Variants in SLC39A9 observed in about 807,000 individuals in gnomAD.
SLC39A9 encodes the protein solute carrier family 39 member 9, also known as zinc transporter ZIP9.
In SLC39A9, 14 loss-of-function variants were observed where a neutral mutation model predicts 28.4. The observed-to-expected ratio is 0.49, with a 90% confidence interval of 0.33 to 0.77. The LOEUF is 0.77. Ranked by LOEUF, SLC39A9 falls within the 30% of genes least tolerant of loss-of-function variation. The probability of loss-of-function intolerance (pLI) is 0.02; values close to 1 mark genes in which losing one functional copy is unlikely to be tolerated. For synonymous variants in SLC39A9, 119 were observed against 149.6 expected (o/e 0.80, Z 1.49); for missense variants, 283 against 381.1 (o/e 0.74, Z 2.14).
chr14:69,422,045 G>C (rs1216990388), intron 1 of SLC39A9, among the ~76,000 whole-genome samples: 2 of 152,110 alleles, frequency 1.3e-5, no homozygotes, highest in African/African-American at 2.4e-5. Context: ...AGATGAACCA[G>C]GTACCTCAGT....
intron 1 of SLC39A9, among the ~76,000 whole-genome samples, chr14:69,422,558 C>T (rs977036680): frequency 1.3e-5 from 2 of 152,106 alleles, no homozygotes; most frequent in African/African-American, 4.8e-5. Context: ...TACAGGTGCA[C>T]ACCACCGGGC....
At chr14:69,434,359 C>T (rs927871279) in intron 2 of SLC39A9, among the ~76,000 whole-genome samples, 2 of 146,508 alleles carry the variant, frequency 1.4e-5, no homozygotes, top group African/African-American at 2.5e-5. Context: ...ACTGGGATTA[C>T]AGGCGTGAGC....
rs1882499326 is a variant in SLC39A9, at chr14:69,399,474, T to C, written c.96+9T>C. On this transcript the variant is annotated intron_variant, in intron 1 of 6. Coordinates refer to ENST00000336643, the MANE Select transcript of SLC39A9 (RefSeq NM_018375.5). ...CTGTTAATTTCTCAGAGGTAAGAAA[T>C]TCTCAATTTTCTGTCAGCTGTCAGG... 6.2e-7 allele frequency: 1 copy of C among 1,610,726 alleles called. No homozygotes were observed. Among genetic ancestry groups the C allele is most frequent in the Non-Finnish European group, 8.5e-7 (1 of 1,177,314 alleles).
At chr14:69,441,237 C>G (rs1317224003) in intron 2 of SLC39A9, among the ~76,000 whole-genome samples, 3 of 152,130 alleles carry the variant, frequency 2.0e-5, no homozygotes, top group Admixed American at 1.3e-4. Context: ...GCCATAATTG[C>G]ACCACTGCTG....
chr14:69,424,285 G>A, intron 2 of SLC39A9, 83 bp downstream of exon 2: 1 of 1,009,506 alleles, frequency 9.9e-7, no homozygotes, highest in Non-Finnish European at 1.5e-6. Context: ...TGTTTTCTGA[G>A]CACAGTTCAT....
At chr14:69,417,694 T>C (rs1431454407) in intron 1 of SLC39A9, among the ~76,000 whole-genome samples, 1 of 152,224 alleles carries the variant, frequency 6.6e-6, no homozygotes, top group Non-Finnish European at 1.5e-5. Flanking sequence ...TTCACATCCC[T>C]TGTAATTTGG....
At chr14:69,425,986 A>G (rs1162010868) in intron 2 of SLC39A9, among the ~76,000 whole-genome samples, 1 of 152,088 alleles carries the variant, frequency 6.6e-6, no homozygotes, top group Non-Finnish European at 1.5e-5. Context: ...TAAGACTAAA[A>G]TTATCTACCG....
At position 69,459,556 on chromosome 14, in the gene SLC39A9, G is replaced by GTTTTTTTTTTTTTTTT. The variant is rs61361699; in HGVS notation, c.*977_*978insTTTTTTTTTTTTTTTT. On this transcript the variant is annotated 3_prime_UTR_variant, in exon 7 of 7. Transcript: ENST00000336643. ...AAATGTATGGTTGTCCTTTTTTTTTGTTTTTTTTTTTTTTAATTATTTCTC... is the reference window on the plus strand; with the variant it reads ...AAATGTATGGTTGTCCTTTTTTTTTGTTTTTTTTTTTTTTTTTTTTTTTTTTTTTTAATTATTTCTC... The GTTTTTTTTTTTTTTTT allele has an allele frequency of 1.3e-6, 1 of 778,678 alleles. No individual in the cohort carries two copies. 48.2% of individuals were successfully genotyped at this position (778,678 alleles called of 1,614,324 possible). A position where few individuals can be genotyped will look rare whatever the true frequency, so the allele number is the denominator to read the frequency against.
At chr14:69,437,683 G>A (rs143507937) in intron 2 of SLC39A9, among the ~76,000 whole-genome samples, 2,477 of 150,514 alleles carry the variant, frequency 0.016, 37 homozygotes, top group Non-Finnish European at 0.024. Context: ...TCCACCTCCC[G>A]GGTTCAAGCA....
At chr14:69,410,636 A>C (rs1371982409) in intron 1 of SLC39A9, among the ~76,000 whole-genome samples, 1 of 152,240 alleles carries the variant, frequency 6.6e-6, no homozygotes, top group Non-Finnish European at 1.5e-5. Context: ...ACTAACACTT[A>C]GCAGCAGATA....
chr14:69,412,073 A>T (rs930935863), intron 1 of SLC39A9, among the ~76,000 whole-genome samples: 5 of 151,198 alleles, frequency 3.3e-5, no homozygotes, highest in African/African-American at 1.2e-4. Flanking sequence ...GAGCAACCGC[A>T]CCCAGCCTAT....
intron 2 of SLC39A9, among the ~76,000 whole-genome samples, chr14:69,433,816 C>G (rs1027909265): frequency 6.6e-6 from 1 of 152,032 alleles, no homozygotes; most frequent in Non-Finnish European, 1.5e-5. Context: ...GGCAGGGTCT[C>G]ACTTTGTCGC....
intron 3 of SLC39A9, among the ~76,000 whole-genome samples, chr14:69,447,774 G>T (rs34433939): frequency 0.14 from 20,601 of 151,768 alleles, 1,472 homozygotes; most frequent in East Asian, 0.18. Context: ...TTAGCTGGTC[G>T]TGGTGACCTG....
intron 2 of SLC39A9, among the ~76,000 whole-genome samples, chr14:69,427,081 A>G (rs551608234): frequency 1.3e-5 from 2 of 148,478 alleles, no homozygotes; most frequent in Non-Finnish European, 3.0e-5. Flanking sequence ...TGATCACTGC[A>G]GCCTTGACTT....
intron 1 of SLC39A9, among the ~76,000 whole-genome samples, chr14:69,419,378 AT>A (rs1883759153): frequency 6.6e-6 from 1 of 152,122 alleles, no homozygotes; most frequent in Non-Finnish European, 1.5e-5. Flanking sequence ...GTTTATTGTG[AT>A]TTCTGTTCTT....
Position 69,399,964 on chromosome 14 carries a change from G to A in SLC39A9, c.96+499G>A, listed in dbSNP as rs146996412. 2.0e-3 allele frequency among the ~76,000 whole-genome samples: 312 copies of A among 152,304 alleles called. 1 individual carries two copies. Among genetic ancestry groups the A allele is most frequent in the Non-Finnish European group, 3.5e-3 (235 of 68,014 alleles). On this transcript the variant is annotated intron_variant, in intron 1 of 6. Transcript: ENST00000336643. ...ACTTTGTCCCTACAAATGAGGCTGA[G>A]GCAGGAGGATCGCTTGACCCCAAGT...
At chr14:69,416,954 G>A (rs577358591) in intron 1 of SLC39A9, among the ~76,000 whole-genome samples, 36 of 152,198 alleles carry the variant, frequency 2.4e-4, no homozygotes, top group African/African-American at 7.7e-4. Flanking sequence ...TTCTTTTGCC[G>A]TGCAGAAGCT....
At chr14:69,409,016 C>G (rs1883096530) in intron 1 of SLC39A9, among the ~76,000 whole-genome samples, 1 of 152,132 alleles carries the variant, frequency 6.6e-6, no homozygotes, top group South Asian at 2.1e-4. Context: ...TCTTGTCCTG[C>G]TTGTAGATAA....
At chr14:69,453,349 G>C in intron 4 of SLC39A9, 40 bp downstream of exon 4, 1 of 1,560,628 alleles carries the variant, frequency 6.4e-7, no homozygotes, top group Admixed American at 1.7e-5. Context: ...GTTTTCTATC[G>C]CACAGGGGAG....
Sources: gnomAD v4.1 joint callset for allele counts (sites outside exome capture counted in the v4.1 genomes callset) on GRCh38, gnomAD v4.1.1 for gene constraint, MANE v1.5 for transcripts, NCBI Gene and HGNC (gene_info 2026-07-23, HGNC 2026-07-21) for gene names.